The following INTS13 variants were observed in gnomAD, a reference collection of about 807,000 sequenced individuals.
INTS13 encodes integrator complex subunit 13.
Under a neutral mutation model 90.2 loss-of-function variants are expected in INTS13, and 35 were observed. That is an observed-to-expected ratio of 0.39 (90% CI 0.30 to 0.51). The LOEUF is 0.51. Among genes scored for constraint, INTS13 ranks in the 20% least tolerant of loss-of-function variants. The probability of loss-of-function intolerance (pLI) is 0.80; values close to 1 mark genes in which losing one functional copy is unlikely to be tolerated. For missense variants in INTS13, 601 were observed against 851.2 expected (o/e 0.71, Z 3.66); for synonymous variants, 309 against 277.1 (o/e 1.11, Z -1.14).
intron 3 of INTS13, among the ~76,000 whole-genome samples, chr12:26,929,530 G>A (rs1208780533): frequency 6.6e-6 from 1 of 151,434 alleles, no homozygotes; most frequent in African/African-American, 2.4e-5. Flanking sequence ...AGACCAGGCT[G>A]GGCAACAAAG....
chr12:26,906,134 CT>C (rs1951600840), intron 16 of INTS13, among the ~76,000 whole-genome samples, 167 bp downstream of exon 16: 3 of 152,040 alleles, frequency 2.0e-5, no homozygotes, highest in Non-Finnish European at 4.4e-5. Context: ...ATAACTAAGC[CT>C]TTTAGAAGCA....
chr12:26,919,958 C>CGG (rs1952060577), intron 8 of INTS13, among the ~76,000 whole-genome samples: 3 of 152,080 alleles, frequency 2.0e-5, no homozygotes, highest in African/African-American at 7.2e-5. Flanking sequence ...GAAACCCCGT[C>CGG]TCTATTAAAA....
At chr12:26,937,234 C>T (rs1331352945) in intron 1 of INTS13, among the ~76,000 whole-genome samples, 1 of 152,172 alleles carries the variant, frequency 6.6e-6, no homozygotes, top group East Asian at 1.9e-4. Flanking sequence ...CATTTTTGCA[C>T]TTCCCTCCAA....
intron 3 of INTS13, among the ~76,000 whole-genome samples, chr12:26,930,035 T>G (rs1938107189): frequency 6.6e-6 from 1 of 152,178 alleles, no homozygotes; most frequent in Admixed American, 6.5e-5. Flanking sequence ...CTTACAATAA[T>G]CTGAAGACTA....
intron 8 of INTS13, among the ~76,000 whole-genome samples, 162 bp downstream of exon 8, chr12:26,922,454 C>T (rs964827065): frequency 1.6e-4 from 24 of 152,072 alleles, no homozygotes; most frequent in Admixed American, 4.6e-4. Context: ...TAGGTATGTA[C>T]GTATAGGAGA....
chr12:26,923,832 T>C (rs1937717898), intron 7 of INTS13, among the ~76,000 whole-genome samples: 2 of 151,928 alleles, frequency 1.3e-5, no homozygotes, highest in Non-Finnish European at 2.9e-5. Context: ...ACATAGAGAA[T>C]AAAAGATCCA....
chr12:26,938,097 C>G (rs1403120952), upstream of INTS13: 1 of 152,714 alleles, frequency 6.5e-6, no homozygotes, highest in Non-Finnish European at 1.5e-5. Flanking sequence ...GTCCCAGTCG[C>G]CGAACAGGAA....
At chr12:26,907,765 A>G (rs1003958079) in intron 15 of INTS13, among the ~76,000 whole-genome samples, 2 of 152,250 alleles carry the variant, frequency 1.3e-5, no homozygotes, top group Non-Finnish European at 2.9e-5. Context: ...TATAATGTAC[A>G]AAATATTTTA....
intron 3 of INTS13, among the ~76,000 whole-genome samples, chr12:26,929,575 A>C (rs1427520260): frequency 1.3e-5 from 2 of 151,888 alleles, no homozygotes; most frequent in African/African-American, 4.8e-5. Flanking sequence ...AAAAAAAAAA[A>C]AAACTAAAAA....
intron 15 of INTS13, among the ~76,000 whole-genome samples, chr12:26,908,301 G>A (rs924794741): frequency 4.0e-5 from 6 of 151,894 alleles, no homozygotes; most frequent in African/African-American, 1.5e-4. Flanking sequence ...TTGTGATGGC[G>A]GTATGCATTG....
At chr12:26,928,141 G>A in intron 5 of INTS13, 64 bp downstream of exon 5, 1 of 1,197,330 alleles carries the variant, frequency 8.4e-7, no homozygotes, top group Admixed American at 1.8e-5. Flanking sequence ...CAAGTTATTG[G>A]AAATAATTAT....
chr12:26,922,525 C>T, intron 8 of INTS13, 91 bp downstream of exon 8: 1 of 914,360 alleles, frequency 1.1e-6, no homozygotes, highest in Non-Finnish European at 1.6e-6. Flanking sequence ...CACTGGGGGT[C>T]TTGGAATGTC....
chr12:26,925,729 A>G (rs764694621), intron 6 of INTS13, 32 bp downstream of exon 6: 18 of 1,493,716 alleles, frequency 1.2e-5, no homozygotes, highest in Admixed American at 5.1e-5. Flanking sequence ...ATTAACCACA[A>G]TAGTCTTTTC....
chr12:26,928,150 A>G (rs557948606), intron 5 of INTS13, 55 bp downstream of exon 5: 116 of 1,271,108 alleles, frequency 9.1e-5, no homozygotes, highest in Non-Finnish European at 1.2e-4. Flanking sequence ...GGAAATAATT[A>G]TAACATATAT....
At chr12:26,931,196 C>T (rs1938168260) in intron 3 of INTS13, among the ~76,000 whole-genome samples, 1 of 150,472 alleles carries the variant, frequency 6.6e-6, no homozygotes, top group African/African-American at 2.4e-5. Flanking sequence ...TAATCCCAGC[C>T]CTTTGGGAGG....
chr12:26,936,873 A>G (rs11611563), intron 1 of INTS13, 59 bp from the exon 2 acceptor site: 3 of 1,135,482 alleles, frequency 2.6e-6, no homozygotes, highest in East Asian at 5.0e-5. Context: ...CATTTTTTCT[A>G]ATTTTCTCAA....
At chr12:26,929,905 T>C (rs529292915) in intron 3 of INTS13, among the ~76,000 whole-genome samples, 3 of 152,274 alleles carry the variant, frequency 2.0e-5, no homozygotes, top group Admixed American at 2.0e-4. Context: ...GCAGATGACA[T>C]GATCCTGAAT....
chr12:26,920,292 T>C (rs1287569782), intron 8 of INTS13, among the ~76,000 whole-genome samples: 1 of 152,232 alleles, frequency 6.6e-6, no homozygotes, highest in Non-Finnish European at 1.5e-5. Flanking sequence ...TCTGTTCCTA[T>C]TGTTAAAATA....
chr12:26,913,222 GAAGTT>G (rs1951838718), intron 14 of INTS13, among the ~76,000 whole-genome samples: 1 of 152,252 alleles, frequency 6.6e-6, no homozygotes, highest in Admixed American at 6.5e-5. Context: ...ATGATTTTCA[GAAGTT>G]AATTAGGAAA....
Sources: gnomAD v4.1 joint callset for allele counts (sites outside exome capture counted in the v4.1 genomes callset) on GRCh38, gnomAD v4.1.1 for gene constraint, MANE v1.5 for transcripts, NCBI Gene and HGNC (gene_info 2026-07-23, HGNC 2026-07-21) for gene names.